TRIO: variants seen among roughly 807,000 people sequenced by gnomAD.
TRIO encodes the protein triple functional domain protein.
In TRIO, 58 loss-of-function variants were observed where a neutral mutation model predicts 351.9. The observed-to-expected ratio is 0.16, with a 90% CI of 0.13 to 0.21. TRIO has a LOEUF of 0.21. Among genes scored for constraint, TRIO ranks in the 10% least tolerant of loss-of-function variants. The pLI is 1.00. For missense variants in TRIO, 3,201 were observed against 4,027.8 expected (o/e 0.79, Z 5.56); for synonymous variants, 1,758 against 1,595.7 (o/e 1.10, Z -2.42).
At chr5:14,148,899 G>A (rs1270853916) in intron 1 of TRIO, among the ~76,000 whole-genome samples, 1 of 152,206 alleles carries the variant, frequency 6.6e-6, no homozygotes, top group Non-Finnish European at 1.5e-5. Flanking sequence ...TGGAGCAAGG[G>A]GTAAGCGGGT....
At chr5:14,348,010 G>A (rs891433627) in intron 11 of TRIO, among the ~76,000 whole-genome samples, 5 of 152,182 alleles carry the variant, frequency 3.3e-5, no homozygotes, top group Non-Finnish European at 7.3e-5. Context: ...TGTGTTATTT[G>A]GTTGAGTCCA....
chr5:14,337,907 G>C (rs1391291578), intron 11 of TRIO, among the ~76,000 whole-genome samples: 1 of 152,156 alleles, frequency 6.6e-6, no homozygotes, highest in Non-Finnish European at 1.5e-5. Context: ...TTCTGCCAAG[G>C]GGCTGGTGCT....
intron 34 of TRIO, among the ~76,000 whole-genome samples, chr5:14,428,428 T>C (rs1474724088): frequency 6.6e-6 from 1 of 152,204 alleles, no homozygotes; most frequent in African/African-American, 2.4e-5. Context: ...GTATTCTGTT[T>C]GAACAGCTGC....
chr5:14,322,442 G>T (rs1438197795), intron 9 of TRIO, among the ~76,000 whole-genome samples: 1 of 152,222 alleles, frequency 6.6e-6, no homozygotes, highest in Non-Finnish European at 1.5e-5. Flanking sequence ...AATGCAAAAT[G>T]AGGGTCTTTT....
chr5:14,314,145 C>T (rs189622664), intron 8 of TRIO, among the ~76,000 whole-genome samples: 26 of 152,284 alleles, frequency 1.7e-4, no homozygotes, highest in Non-Finnish European at 3.7e-4. Context: ...GCTCTCAGTT[C>T]TAAGAGATGC....
chr5:14,497,734 C>A lies in TRIO; in HGVS notation c.8020-113C>A. The stretch of plus-strand genomic sequence containing the variant: ...AATGTGGTCTGTTTTGATTGATGCC[C>A]AGGCAAGTCAGTTTCTGCAAATCTT... On this transcript the variant is annotated intron_variant, in intron 50 of 56. Transcript: ENST00000344204. This position sits in a 1 kb window ranked among gnomAD's most constrained non-coding sequence, Gnocchi z 4.4. The A allele has an allele frequency of 7.2e-7, 1 of 1,381,718 alleles. No homozygotes were observed. The allele number at this position is 1,381,718 out of a possible 1,614,324, so 85.6% of individuals were successfully genotyped here.
Position 14,497,761 on chromosome 5 carries a change from C to A in TRIO, c.8020-86C>A. ...GGCAAGTCAGTTTCTGCAAATCTTT[C>A]AACAATAATTGTAGCCCTGGAATGA... On this transcript the variant is annotated intron_variant, in intron 50 of 56. Coordinates refer to ENST00000344204, the MANE Select transcript of TRIO (RefSeq NM_007118.4). This position sits in a 1 kb window ranked among gnomAD's most constrained non-coding sequence, Gnocchi z 4.4. 6.4e-7 allele frequency: 1 copy of A among 1,564,402 alleles called. No individual in the cohort carries two copies. The highest frequency in any genetic ancestry group is 8.8e-7 in the Non-Finnish European group (1 of 1,136,220).
Position 14,186,074 on chromosome 5 carries a change from A to G in TRIO, c.157+42192A>G, listed in dbSNP as rs1365199873. Among the ~76,000 whole-genome samples, 4 of 152,234 alleles carry G rather than the reference A, an allele frequency of 2.6e-5. 1 individual carries two copies. The South Asian group carries it at 8.3e-4, about 32-fold the overall frequency. On this transcript the variant is annotated intron_variant, in intron 1 of 56. Transcript: ENST00000344204. ...GTACACCCAATTAGCACTACTGAGT[A>G]GTATTTAGATGTTGACTAGATTCAT...
At chr5:14,362,447 T>C (rs1289913437) in intron 13 of TRIO, among the ~76,000 whole-genome samples, 2 of 152,204 alleles carry the variant, frequency 1.3e-5, no homozygotes, top group African/African-American at 2.4e-5. Flanking sequence ...GGCTCTTGTG[T>C]TTAATGGTCA....
At chr5:14,278,539 A>G (rs917632048) in intron 2 of TRIO, among the ~76,000 whole-genome samples, 3 of 152,242 alleles carry the variant, frequency 2.0e-5, no homozygotes, top group African/African-American at 7.2e-5. Context: ...AATTTAAATA[A>G]TAGGTACTGT....
chr5:14,478,708 T>C (rs1755278341), intron 41 of TRIO, among the ~76,000 whole-genome samples: 1 of 151,362 alleles, frequency 6.6e-6, no homozygotes, highest in South Asian at 2.1e-4. Context: ...ATCCCAACAC[T>C]TTGGGCAGCC....
At chr5:14,375,304 T>C (rs1745457858) in intron 19 of TRIO, among the ~76,000 whole-genome samples, 1 of 152,248 alleles carries the variant, frequency 6.6e-6, no homozygotes, top group Non-Finnish European at 1.5e-5. Context: ...GCTCATTTCC[T>C]GTAGAAATAA....
At chr5:14,290,130 A>T (rs924993291) in intron 4 of TRIO, among the ~76,000 whole-genome samples, 1 of 152,216 alleles carries the variant, frequency 6.6e-6, no homozygotes, top group Admixed American at 6.5e-5. Flanking sequence ...GGTTAGGCTT[A>T]GGCAAGATGA....
chr5:14,292,171 A>C (rs1446692091), intron 5 of TRIO, among the ~76,000 whole-genome samples: 1 of 152,256 alleles, frequency 6.6e-6, no homozygotes, highest in African/African-American at 2.4e-5. Context: ...AAACCACATT[A>C]GAATTCTTGG....
chr5:14,194,458 G>C (rs533852540), intron 1 of TRIO, among the ~76,000 whole-genome samples: 3 of 152,318 alleles, frequency 2.0e-5, no homozygotes, highest in Non-Finnish European at 4.4e-5. Flanking sequence ...AGGTGGAGAA[G>C]GGTGAAGGAT....
intron 1 of TRIO, among the ~76,000 whole-genome samples, chr5:14,206,698 T>A (rs1170803970): frequency 6.6e-6 from 1 of 152,228 alleles, no homozygotes; most frequent in Non-Finnish European, 1.5e-5. Flanking sequence ...ATTCGTTATC[T>A]GCGTGAGACA....
intron 4 of TRIO, among the ~76,000 whole-genome samples, chr5:14,290,390 G>A (rs1288900197): frequency 1.3e-5 from 2 of 152,188 alleles, no homozygotes; most frequent in Non-Finnish European, 2.9e-5. Context: ...CTGTTTCCTA[G>A]TTTAATGTGT....
intron 1 of TRIO, among the ~76,000 whole-genome samples, chr5:14,154,376 C>A (rs1159166049): frequency 1.3e-5 from 2 of 152,020 alleles, no homozygotes; most frequent in African/African-American, 4.8e-5. Context: ...ACGGAGCTGC[C>A]TTTTTGGGGT....
chr5:14,209,751 C>T (rs533517), intron 1 of TRIO, among the ~76,000 whole-genome samples: 117,202 of 152,188 alleles, frequency 0.77, 46,639 homozygotes, highest in East Asian at 0.99. Context: ...TTAAAATGTA[C>T]TCTAAGAAAG....
Sources: allele counts gnomAD v4.1 joint callset (sites outside exome capture counted in the v4.1 genomes callset), GRCh38; gene constraint gnomAD v4.1.1; non-coding constraint Gnocchi (gnomAD v3.1); transcripts MANE v1.5; gene names NCBI Gene and HGNC (gene_info 2026-07-23, HGNC 2026-07-21).